The following FGF3 variants were observed in gnomAD, a reference collection of about 807,000 sequenced individuals.
The protein encoded by FGF3 is FGF-3.
Under a neutral mutation model 9.8 loss-of-function variants are expected in FGF3, and 7 were observed. The ratio of observed to expected loss-of-function variants is 0.72; its 90% CI spans 0.41 to 1.35. FGF3 has a LOEUF of 1.35. Among genes scored for constraint, FGF3 ranks in the 40% most tolerant of loss-of-function variants. The pLI is 0.01. For synonymous variants in FGF3, 173 were observed against 157.2 expected (o/e 1.10, Z -0.75); for missense variants, 390 against 345.6 (o/e 1.13, Z -1.02).
intron 2 of FGF3, among the ~76,000 whole-genome samples, chr11:69,813,200 C>T (rs571959357): frequency 7.2e-5 from 11 of 152,226 alleles, no homozygotes; most frequent in Admixed American, 3.9e-4. Flanking sequence ...AAGGGCGGGG[C>T]GGGCACTTTC....
intron 2 of FGF3, among the ~76,000 whole-genome samples, chr11:69,815,133 G>C (rs1171448799): frequency 6.9e-6 from 1 of 144,364 alleles, no homozygotes; most frequent in East Asian, 2.1e-4. Context: ...ATGGATGGAT[G>C]GATAGGTGGA....
rs782008134 is a variant in FGF3, at chr11:69,810,573, C to A, written c.452G>T (p.Arg151Ile). The A allele has an allele frequency of 3.1e-6, 5 of 1,612,410 alleles. No homozygotes were observed. The South Asian group carries it at 5.5e-5, about 18-fold the overall frequency. ...PGARRQPSAE[R>I]LWYVSVNGKG... is the part of the protein sequence containing the mutation. ...GCCGTTCACAGACACGTACCACAGT[C>A]TCTCGGCGCTGGGCTGCCGGCGGGC... The change falls in exon 3 of 3, where the codon AGA becomes ATA. Residue 151 changes from arginine to isoleucine, a missense_variant. By Grantham distance (97) the Arg-to-Ile change is moderately conservative (BLOSUM62 -3). Coordinates refer to ENST00000334134, the MANE Select transcript of FGF3 (RefSeq NM_005247.4).
At chr11:69,817,578 C>A (rs1554981229) in intron 1 of FGF3, 2 of 152,246 alleles carry the variant, frequency 1.3e-5, no homozygotes, top group African/African-American at 4.8e-5. Flanking sequence ...GCACTCGGAC[C>A]CCCTGGTGAC....
At chr11:69,813,182 G>A (rs1554980606) in intron 2 of FGF3, among the ~76,000 whole-genome samples, 1 of 152,216 alleles carries the variant, frequency 6.6e-6, no homozygotes, top group East Asian at 1.9e-4. Flanking sequence ...ACTTCTAAAG[G>A]GAGCTGTAAG....
chr11:69,810,353 G>A lies in FGF3; in HGVS notation c.672C>T (p.His224=), dbSNP rs375708730. The part of the protein sequence containing the change: ...KQSPDNLEPS[H]VQASRLGSQL... ...GGGAGCCCAGTCTCGAAGCCTGAAC[G>A]TGAGAGGGCTCCAGGTTATCCGGGC... Residue 224 remains histidine, a synonymous_variant, in exon 3 of 3, where the codon CAC becomes CAT. Coordinates refer to ENST00000334134, the MANE Select transcript of FGF3 (RefSeq NM_005247.4). The A allele has an allele frequency of 1.9e-6, 3 of 1,567,304 alleles. No individual in the cohort carries two copies. The highest frequency in any genetic ancestry group is 2.6e-6 in the Non-Finnish European group (3 of 1,151,360).
chr11:69,819,004 C>A lies in FGF3; in HGVS notation c.-71G>T. On this transcript the variant is annotated 5_prime_UTR_variant, in exon 1 of 3. Transcript: ENST00000334134. ...GCGGCGCCCATGGAAGGGGCGGCAG[C>A]CGGACAGCTGCGAGGTGCTCGGAGC... The A allele has an allele frequency of 9.4e-7, 1 of 1,064,632 alleles. No individual in the cohort carries two copies. Among genetic ancestry groups the A allele is most frequent in the Non-Finnish European group, 1.3e-6 (1 of 777,300 alleles). The allele number at this position is 1,064,632 out of a possible 1,614,324, so 65.9% of individuals were successfully genotyped here. A position where few individuals can be genotyped will look rare whatever the true frequency, so the allele number is the denominator to read the frequency against.
At chr11:69,815,373 G>A (rs568368561) in intron 2 of FGF3, among the ~76,000 whole-genome samples, 1 of 152,090 alleles carries the variant, frequency 6.6e-6, no homozygotes, top group East Asian at 1.9e-4. Flanking sequence ...TGAGTGGATG[G>A]GAGGAAGGAG....
At chr11:69,812,235 C>T (rs782095329) in intron 2 of FGF3, among the ~76,000 whole-genome samples, 22 of 152,090 alleles carry the variant, frequency 1.4e-4, no homozygotes, top group Non-Finnish European at 2.9e-4. Context: ...TGTGGTGTCC[C>T]GTGGCAGAGA....
chr11:69,811,450 CAAAA>C (rs33951596), intron 2 of FGF3, among the ~76,000 whole-genome samples: 9 of 97,332 alleles, frequency 9.2e-5, no homozygotes, highest in Admixed American at 2.3e-4. Flanking sequence ...AACTCTGACT[CAAAA>C]AAAAAAAAAA....
chr11:69,818,208 A>G (rs1554981307), intron 1 of FGF3, among the ~76,000 whole-genome samples: 1 of 152,148 alleles, frequency 6.6e-6, no homozygotes, highest in African/African-American at 2.4e-5. Context: ...GGGAGGGCGG[A>G]GGGGACGGCG....
chr11:69,816,474 G>T (rs2119930750), intron 1 of FGF3, 51 bp from the exon 2 acceptor site: 2 of 1,459,852 alleles, frequency 1.4e-6, no homozygotes, highest in Non-Finnish European at 1.9e-6. Context: ...GGAGGGGGCG[G>T]CTGAGGCCCA....
rs1256888832 is a variant in FGF3, at chr11:69,818,959, G to T, written c.-26C>A. ...CGTGGCATCGCGCCCGCCCCGCGGC[G>T]GCGGCGGCTGCAGGCGAGCGCGGCG... On this transcript the variant is annotated 5_prime_UTR_variant, in exon 1 of 3. Coordinates refer to ENST00000334134, the MANE Select transcript of FGF3 (RefSeq NM_005247.4). The T allele has an allele frequency of 9.8e-6, 14 of 1,431,044 alleles. No homozygotes were observed. In the Admixed American group the frequency reaches 2.3e-4, roughly 23 times the overall value. 88.6% of individuals were successfully genotyped at this position (1,431,044 alleles called of 1,614,324 possible).
At position 69,818,755 on chromosome 11, in the gene FGF3, G is replaced by C; in HGVS notation, c.179C>G (p.Pro60Arg). 2.7e-6 allele frequency: 4 copies of C among 1,495,026 alleles called. No individual in the cohort carries two copies. The highest frequency in any genetic ancestry group is 3.5e-6 in the Non-Finnish European group (4 of 1,128,830). The allele number at this position is 1,495,026 out of a possible 1,614,324, so 92.6% of individuals were successfully genotyped here. A position where few individuals can be genotyped will look rare whatever the true frequency, so the allele number is the denominator to read the frequency against. Residue 60 changes from proline to arginine, a missense_variant, in exon 1 of 3, where the codon CCG (proline) becomes CGG (arginine). Physicochemically the swap from Pro to Arg is moderately radical, Grantham distance 103 (BLOSUM62 -2). Transcript: ENST00000334134. Reference protein sequence around the residue: ...CATKYHLQLHPSGRVNGSLEN... With the variant: ...CATKYHLQLHRSGRVNGSLEN... ...CAGGCTGCCGTTGACGCGGCCGCTC[G>C]GGTGCAGCTGGAGGTGGTACTTCGT...
At chr11:69,815,131 ATGGATAGG>A (rs1856106585) in intron 2 of FGF3, among the ~76,000 whole-genome samples, 1 of 77,160 alleles carries the variant, frequency 1.3e-5, no homozygotes, top group South Asian at 3.8e-4. Flanking sequence ...GGATGGATGG[ATGGATAGG>A]TGGATGGGTG....
intron 2 of FGF3, among the ~76,000 whole-genome samples, chr11:69,812,534 G>A (rs958953111): frequency 1.3e-5 from 2 of 152,140 alleles, no homozygotes; most frequent in African/African-American, 2.4e-5. Context: ...GGGAAACTGA[G>A]GCCCAGGGGT....
At position 69,818,982 on chromosome 11, in the gene FGF3, G is replaced by A. The variant is rs1217923548; in HGVS notation, c.-49C>T. On this transcript the variant is annotated 5_prime_UTR_variant, in exon 1 of 3. Transcript: ENST00000334134. ...GCGGCGGCGGCTGCAGGCGAGCGCG[G>A]CGCCCATGGAAGGGGCGGCAGCCGG... 3.8e-6 allele frequency: 5 copies of A among 1,317,996 alleles called. No homozygotes were observed. The highest frequency in any genetic ancestry group is 5.0e-6 in the Non-Finnish European group (5 of 994,928). 81.6% of individuals were successfully genotyped at this position (1,317,996 alleles called of 1,614,324 possible).
At chr11:69,811,837 C>T (rs1301857153) in intron 2 of FGF3, among the ~76,000 whole-genome samples, 6 of 152,294 alleles carry the variant, frequency 3.9e-5, no homozygotes, top group African/African-American at 1.4e-4. Context: ...GCCCAGGGTG[C>T]AGTGGGGGAA....
intron 2 of FGF3, among the ~76,000 whole-genome samples, chr11:69,813,574 GGAT>G (rs1856061279): frequency 7.5e-6 from 1 of 134,066 alleles, no homozygotes; most frequent in African/African-American, 2.8e-5. Context: ...ATGGGTGGAT[GGAT>G]GGATGGATAG....
intron 2 of FGF3, among the ~76,000 whole-genome samples, chr11:69,815,722 G>A (rs782230075): frequency 2.6e-5 from 4 of 152,196 alleles, no homozygotes; most frequent in Non-Finnish European, 5.9e-5. Context: ...GAGGGGCGCT[G>A]CCATACCCAC....
Sources: allele counts gnomAD v4.1 joint callset (sites outside exome capture counted in the v4.1 genomes callset), GRCh38; gene constraint gnomAD v4.1.1; transcripts MANE v1.5; gene names NCBI Gene and HGNC (gene_info 2026-07-23, HGNC 2026-07-21).